PIK3R3: variants seen among roughly 807,000 people sequenced by gnomAD.
The protein encoded by PIK3R3 is phosphatidylinositol 3-kinase regulatory subunit gamma.
Under a neutral mutation model 62.9 loss-of-function variants are expected in PIK3R3, and 64 were observed. The observed-to-expected ratio is 1.02, with a 90% CI of 0.83 to 1.25. The LOEUF (loss-of-function observed/expected upper bound fraction) is 1.25, where lower values mean the gene tolerates loss of function less well. Ranked by LOEUF, PIK3R3 falls within the 50% of genes most tolerant of loss-of-function variation. PIK3R3 has a pLI of 0.00. For missense variants in PIK3R3, 614 were observed against 561.6 expected (o/e 1.09, Z -0.94); for synonymous variants, 165 against 189.0 (o/e 0.87, Z 1.04).
intron 1 of PIK3R3, among the ~76,000 whole-genome samples, chr1:46,086,649 G>A (rs575653441): frequency 5.9e-4 from 90 of 152,258 alleles, no homozygotes; most frequent in African/African-American, 1.9e-3. Flanking sequence ...ACAGTGAGCC[G>A]AGATCGTGCC....
At chr1:46,081,450 G>A (rs1379793791) in intron 1 of PIK3R3, among the ~76,000 whole-genome samples, 2 of 152,184 alleles carry the variant, frequency 1.3e-5, no homozygotes, top group East Asian at 3.8e-4. Flanking sequence ...TACTGCCTGA[G>A]CTTCGGCATT....
chr1:46,093,225 A>G (rs2149431499), intron 1 of PIK3R3, among the ~76,000 whole-genome samples: 1 of 152,236 alleles, frequency 6.6e-6, no homozygotes, highest in East Asian at 1.9e-4. Context: ...TTAGTATCCT[A>G]GAGATCATAA....
the PIK3R3 span, among the ~76,000 whole-genome samples, chr1:46,156,419 A>G: frequency 6.7e-5 from 10 of 149,632 alleles, no homozygotes; most frequent in African/African-American, 2.5e-4. Flanking sequence ...AGATCGTGCC[A>G]CTGTACTCCA....
At chr1:46,056,859 A>G (rs1165399809) in intron 6 of PIK3R3, 1 of 152,258 alleles carries the variant, frequency 6.6e-6, no homozygotes, top group Admixed American at 6.5e-5. Context: ...CAGAGGTAGC[A>G]TAACACAACA....
At chr1:46,057,438 G>C (rs570558808) in intron 6 of PIK3R3, 1 of 152,566 alleles carries the variant, frequency 6.6e-6, no homozygotes, top group Non-Finnish European at 1.5e-5. Context: ...CCTTAAAACT[G>C]GGTAACAGGC....
intron 5 of PIK3R3, 31 bp downstream of exon 5, chr1:46,066,023 A>G: frequency 6.3e-7 from 1 of 1,589,478 alleles, no homozygotes. Context: ...CATTGCACAC[A>G]TATTAGTCAA....
chr1:46,108,801 T>C (rs1003340061), intron 1 of PIK3R3, among the ~76,000 whole-genome samples: 2 of 152,156 alleles, frequency 1.3e-5, no homozygotes, highest in Non-Finnish European at 2.9e-5. Context: ...GCCCTAAATA[T>C]TCAGTCTTAA....
At chr1:46,102,858 T>TTATATATATATATATATA (rs997197319) in intron 1 of PIK3R3, among the ~76,000 whole-genome samples, 30 of 137,478 alleles carry the variant, frequency 2.2e-4, no homozygotes, top group African/African-American at 8.2e-4. Flanking sequence ...CAAAGAGACA[T>TTATATATATATATATATA]TATAGTAGCA....
intron 1 of PIK3R3, among the ~76,000 whole-genome samples, chr1:46,129,230 G>T (rs931206074): frequency 2.6e-4 from 40 of 152,234 alleles, no homozygotes; most frequent in African/African-American, 8.9e-4. Flanking sequence ...TGTAACTATT[G>T]TGAGTGAAAG....
At chr1:46,141,097 G>C in the PIK3R3 span, among the ~76,000 whole-genome samples, 1 of 151,756 alleles carries the variant, frequency 6.6e-6, no homozygotes, top group Non-Finnish European at 1.5e-5. Context: ...TGTGCTCAAG[G>C]GGTCGTCCCA....
chr1:46,072,849 C>T (rs890208953), intron 3 of PIK3R3, among the ~76,000 whole-genome samples: 1 of 151,910 alleles, frequency 6.6e-6, no homozygotes, highest in African/African-American at 2.4e-5. Flanking sequence ...CTCAGCCACT[C>T]GGGAGGCTGA....
intron 1 of PIK3R3, among the ~76,000 whole-genome samples, chr1:46,086,805 A>G (rs1404662225): frequency 6.6e-6 from 1 of 152,228 alleles, no homozygotes; most frequent in Non-Finnish European, 1.5e-5. Flanking sequence ...CAGAAACAGA[A>G]GAGTTGGCTG....
chr1:46,134,758 A>G (rs1291771687), upstream of PIK3R3: 1 of 152,248 alleles, frequency 6.6e-6, no homozygotes, highest in Non-Finnish European at 1.5e-5. Context: ...TCAGATTTCC[A>G]CAGCACCTTT....
upstream of PIK3R3, among the ~76,000 whole-genome samples, chr1:46,133,343 A>G (rs577640478): frequency 6.6e-6 from 1 of 152,326 alleles, no homozygotes; most frequent in East Asian, 1.9e-4. Flanking sequence ...CCGGACGAGT[A>G]AGGAGAGGAG....
At chr1:46,165,811 G>A in the PIK3R3 span, among the ~76,000 whole-genome samples, 2 of 100,928 alleles carry the variant, frequency 2.0e-5, no homozygotes, top group East Asian at 3.5e-4. Context: ...TCACTCTGTA[G>A]CCCAGGTTGG....
chr1:46,051,769 T>C (rs1412710676), intron 7 of PIK3R3, among the ~76,000 whole-genome samples: 1 of 152,110 alleles, frequency 6.6e-6, no homozygotes, highest in African/African-American at 2.4e-5. Flanking sequence ...GACAACCAAA[T>C]AGATGCCTGA....
intron 1 of PIK3R3, among the ~76,000 whole-genome samples, chr1:46,123,529 G>T (rs919559258): frequency 4.6e-5 from 7 of 152,156 alleles, no homozygotes; most frequent in African/African-American, 1.2e-4. Context: ...GATTATTTTT[G>T]AAAAGAACAG....
chr1:46,162,097 A>C, the PIK3R3 span, among the ~76,000 whole-genome samples: 1 of 151,888 alleles, frequency 6.6e-6, no homozygotes, highest in Non-Finnish European at 1.5e-5. Context: ...GTCTCAAAAA[A>C]AAAAAAAAAA....
intron 1 of PIK3R3, among the ~76,000 whole-genome samples, chr1:46,116,086 C>A (rs1344307691): frequency 6.6e-6 from 1 of 152,028 alleles, no homozygotes. Context: ...AATGTAAACC[C>A]CTTTGGCATT....
Sources: allele counts gnomAD v4.1 joint callset (sites outside exome capture counted in the v4.1 genomes callset), GRCh38; gene constraint gnomAD v4.1.1; transcripts MANE v1.5; gene names NCBI Gene and HGNC (gene_info 2026-07-23, HGNC 2026-07-21).